CNBD1: variants seen among roughly 807,000 people sequenced by gnomAD.
The protein encoded by CNBD1 is cyclic nucleotide binding domain containing 1.
A neutral mutation model predicts 54.4 loss-of-function variants in CNBD1; 71 were observed. The observed-to-expected ratio is 1.30, with a 90% confidence interval of 1.08 to 1.59. The LOEUF is 1.59. Ranked by LOEUF, CNBD1 falls within the 40% of genes most tolerant of loss-of-function variation. CNBD1 has a pLI of 0.00. For missense variants in CNBD1, 659 were observed against 518.0 expected, an observed-to-expected ratio of 1.27 and a Z score of -2.64; for synonymous variants, 182 against 170.7, an observed-to-expected ratio of 1.07 and a Z score of -0.51.
chr8:87,183,042 T>A (rs1489998613), intron 4 of CNBD1, among the ~76,000 whole-genome samples: 1 of 152,180 alleles, frequency 6.6e-6, no homozygotes, highest in African/African-American at 2.4e-5. Context: ...GGTCTTACAT[T>A]TAAGTCTTTA....
chr8:86,913,998 A>T (rs1395036421), intron 3 of CNBD1, among the ~76,000 whole-genome samples: 1 of 152,148 alleles, frequency 6.6e-6, no homozygotes, highest in Non-Finnish European at 1.5e-5. Flanking sequence ...TTCAGTCATA[A>T]GAGAAATATG....
chr8:87,102,837 A>G (rs1437824866), intron 4 of CNBD1, among the ~76,000 whole-genome samples: 1 of 151,952 alleles, frequency 6.6e-6, no homozygotes, highest in Non-Finnish European at 1.5e-5. Flanking sequence ...GATGGTCTCA[A>G]TCTCCTGACT....
intron 4 of CNBD1, among the ~76,000 whole-genome samples, chr8:87,107,866 C>A (rs892788622): frequency 1.1e-4 from 16 of 152,198 alleles, no homozygotes; most frequent in African/African-American, 2.7e-4. Context: ...CAGCAGCATA[C>A]CCATAGGGCC....
chr8:87,426,142 T>C (rs1440310357), intron 2 of CNBD1, among the ~76,000 whole-genome samples: 1 of 152,236 alleles, frequency 6.6e-6, no homozygotes, highest in Non-Finnish European at 1.5e-5. Context: ...GCCCTTGTGC[T>C]TCCTGAGTGA....
intron 4 of CNBD1, among the ~76,000 whole-genome samples, chr8:87,198,133 G>C (rs1462960482): frequency 6.6e-6 from 1 of 152,188 alleles, no homozygotes; most frequent in Non-Finnish European, 1.5e-5. Context: ...GCAGAGCCTA[G>C]GTAAGAAAAG....
intron 5 of CNBD1, among the ~76,000 whole-genome samples, chr8:87,231,017 C>A (rs74983635): frequency 0.074 from 11,197 of 151,850 alleles, 1,266 homozygotes; most frequent in African/African-American, 0.24. Context: ...TCATGGCAGA[C>A]GGCGAAATGG....
At chr8:87,007,194 T>C (rs1291445490) in intron 4 of CNBD1, among the ~76,000 whole-genome samples, 1 of 149,320 alleles carries the variant, frequency 6.7e-6, no homozygotes, top group East Asian at 2.0e-4. Flanking sequence ...TGAAACTCCA[T>C]CTCAGAAAAA....
At chr8:87,359,537 A>G (rs890128968) in intron 10 of CNBD1, among the ~76,000 whole-genome samples, 1 of 152,164 alleles carries the variant, frequency 6.6e-6, no homozygotes, top group Non-Finnish European at 1.5e-5. Context: ...GGGCTAGATA[A>G]TTCTAATGAA....
At chr8:87,321,784 CTTTT>C (rs1809540075) in intron 8 of CNBD1, among the ~76,000 whole-genome samples, 1 of 131,190 alleles carries the variant, frequency 7.6e-6, no homozygotes, top group African/African-American at 2.8e-5. Context: ...TGTCATCAGG[CTTTT>C]TTCTTTTTCT....
intron 4 of CNBD1, among the ~76,000 whole-genome samples, chr8:87,134,198 T>A (rs1812178309): frequency 6.6e-6 from 1 of 152,188 alleles, no homozygotes; most frequent in African/African-American, 2.4e-5. Flanking sequence ...TGAATGTAAT[T>A]ATTGACTGTC....
chr8:86,981,402 G>T (rs561135632), intron 4 of CNBD1, among the ~76,000 whole-genome samples: 2 of 151,970 alleles, frequency 1.3e-5, no homozygotes, highest in South Asian at 4.1e-4. Flanking sequence ...TGTTCTCTTG[G>T]TAACATCACA....
intron 4 of CNBD1, among the ~76,000 whole-genome samples, chr8:87,180,882 T>C (rs1813298070): frequency 6.6e-6 from 1 of 151,220 alleles, no homozygotes; most frequent in African/African-American, 2.5e-5. Context: ...TCCACTCCTA[T>C]TTTTTATTGA....
At chr8:87,265,751 A>G (rs1808242835) in intron 6 of CNBD1, among the ~76,000 whole-genome samples, 1 of 152,124 alleles carries the variant, frequency 6.6e-6, no homozygotes, top group Admixed American at 6.6e-5. Context: ...ACAGCAGAGT[A>G]GAATAATTGT....
chr8:87,361,879 A>G (rs1457492919), intron 10 of CNBD1, among the ~76,000 whole-genome samples: 1 of 151,970 alleles, frequency 6.6e-6, no homozygotes, highest in Non-Finnish European at 1.5e-5. Context: ...GAATTCTTGA[A>G]AAAGAACTTT....
intron 3 of CNBD1, among the ~76,000 whole-genome samples, chr8:86,933,276 G>A (rs966627282): frequency 1.3e-5 from 2 of 152,030 alleles, no homozygotes; most frequent in Non-Finnish European, 2.9e-5. Context: ...AGCCAAGTTT[G>A]TATACAAAAC....
In CNBD1 at chr8:86,905,139, G is replaced by A. The variant is rs760660858; in HGVS notation, c.217G>A (p.Val73Ile). ...HDTFMKQYPK[V>I]FLHQKPRLPK... ...TACATTTATGAAGCAATATCCTAAA[G>A]TATTCCTGCACCAAAAACCCAGACT... The change falls in exon 3 of 11, where the codon GTA (valine) becomes ATA (isoleucine). Residue 73 changes from valine (V) to isoleucine (I), a missense_variant. By Grantham distance (29) the Val-to-Ile change is conservative. Transcript: ENST00000518476. The A allele has an allele frequency of 1.2e-6, 2 of 1,612,704 alleles. No homozygotes were observed. Among genetic ancestry groups the A allele is most frequent in the Non-Finnish European group, 1.7e-6 (2 of 1,179,116 alleles).
At chr8:87,009,666 C>T (rs1809174964) in intron 4 of CNBD1, among the ~76,000 whole-genome samples, 1 of 152,098 alleles carries the variant, frequency 6.6e-6, no homozygotes, top group Non-Finnish European at 1.5e-5. Flanking sequence ...CATACATTTA[C>T]CCTTTCTTGT....
At chr8:86,905,443 T>G (rs1809003406) in intron 3 of CNBD1, among the ~76,000 whole-genome samples, 1 of 152,202 alleles carries the variant, frequency 6.6e-6, no homozygotes, top group Non-Finnish European at 1.5e-5. Flanking sequence ...ATTGTTGCCT[T>G]TTACTAATGA....
intron 10 of CNBD1, among the ~76,000 whole-genome samples, chr8:87,368,116 C>T (rs750811427): frequency 2.0e-5 from 3 of 147,534 alleles, no homozygotes; most frequent in Non-Finnish European, 4.6e-5. Flanking sequence ...GAGCCTAGAT[C>T]ACACCATTTC....
Sources: allele counts gnomAD v4.1 joint callset (sites outside exome capture counted in the v4.1 genomes callset), GRCh38; gene constraint gnomAD v4.1.1; transcripts MANE v1.5; gene names NCBI Gene and HGNC (gene_info 2026-07-23, HGNC 2026-07-21).